GIGYF2: variants seen among roughly 807,000 people sequenced by gnomAD.
GIGYF2 encodes the protein GRB10-interacting GYF protein 2.
In GIGYF2, 25 loss-of-function variants were observed where a neutral mutation model predicts 208.1. The ratio of observed to expected loss-of-function variants is 0.12; its 90% CI spans 0.09 to 0.17. The LOEUF (loss-of-function observed/expected upper bound fraction) is 0.17. GIGYF2 is among the 10% of genes least tolerant of loss of function. The probability of loss-of-function intolerance (pLI) is 1.00; values close to 1 mark genes in which losing one functional copy is unlikely to be tolerated. For synonymous variants in GIGYF2, 534 were observed against 543.8 expected, an observed-to-expected ratio of 0.98 and a Z score of 0.25; for missense variants, 1,302 against 1,579.4, an observed-to-expected ratio of 0.82 and a Z score of 2.98.
chr2:232,836,263 CATATATATATATATATATAT>C (rs1156576756), intron 22 of GIGYF2, among the ~76,000 whole-genome samples: 6 of 38,624 alleles, frequency 1.6e-4, no homozygotes, highest in South Asian at 2.3e-3. Flanking sequence ...CCCATCTCTA[CATATATATATATATATATAT>C]ATATATATAT....
chr2:232,774,068 G>T (rs1222521914), intron 8 of GIGYF2, among the ~76,000 whole-genome samples: 2 of 151,820 alleles, frequency 1.3e-5, no homozygotes, highest in Admixed American at 6.6e-5. Context: ...GATTGCTTGA[G>T]GTCGGGAATT....
At chr2:232,726,859 C>T (rs1697224908) in intron 2 of GIGYF2, among the ~76,000 whole-genome samples, 1 of 152,116 alleles carries the variant, frequency 6.6e-6, no homozygotes, top group African/African-American at 2.4e-5. Context: ...ACAAGTCTGT[C>T]TAGTAGAGAT....
Position 232,791,434 on chromosome 2 carries a change from A to G in GIGYF2, c.1270A>G (p.Ser424Gly), listed in dbSNP as rs759400935. The change falls in exon 12 of 29, where the codon AGC becomes GGC. Residue 424 changes from serine to glycine, a missense_variant. Physicochemically the swap from Ser to Gly is moderately conservative, Grantham distance 56. Coordinates refer to ENST00000373563, the MANE Select transcript of GIGYF2 (RefSeq NM_001103146.3). ...AAATAGTCTACCAGCCAAAGTGCCC[A>G]GCAGAGGGGATGGTATGTATTTGTG... ...MENSLPAKVP[S>G]RGDEMVADVQ... The G allele has an allele frequency of 6.2e-7, 1 of 1,613,618 alleles. No individual in the cohort carries two copies. The highest frequency in any genetic ancestry group is 8.5e-7 in the Non-Finnish European group (1 of 1,179,694).
intron 8 of GIGYF2, chr2:232,766,553 A>G (rs1698970275): frequency 1.3e-5 from 2 of 152,488 alleles, no homozygotes; most frequent in African/African-American, 2.4e-5. Context: ...TTTATGTGTT[A>G]CAATAGTCTT....
chr2:232,795,269 A>AT (rs1350811925), intron 13 of GIGYF2, among the ~76,000 whole-genome samples: 1 of 152,208 alleles, frequency 6.6e-6, no homozygotes, highest in East Asian at 1.9e-4. Flanking sequence ...TATCTTTTGT[A>AT]TTTTTTGCTT....
intron 2 of GIGYF2, among the ~76,000 whole-genome samples, chr2:232,726,607 G>T (rs1336987525): frequency 6.6e-6 from 1 of 151,972 alleles, no homozygotes; most frequent in Non-Finnish European, 1.5e-5. Flanking sequence ...ATAAATAAGA[G>T]AGTTTTTTGT....
chr2:232,846,457 G>C (rs1448200217), intron 26 of GIGYF2, among the ~76,000 whole-genome samples: 1 of 152,206 alleles, frequency 6.6e-6, no homozygotes, highest in African/African-American at 2.4e-5. Flanking sequence ...TTTGAAGAGA[G>C]ACTGGTCAAC....
chr2:232,791,207 C>T (rs1176414193), intron 11 of GIGYF2, 37 bp downstream of exon 11: 2 of 1,613,682 alleles, frequency 1.2e-6, no homozygotes, highest in East Asian at 2.2e-5. Context: ...TTTTTTTCCT[C>T]CATCAAACCA....
At chr2:232,720,583 A>ATATATTT (rs376956632) in intron 2 of GIGYF2, among the ~76,000 whole-genome samples, 48 of 144,978 alleles carry the variant, frequency 3.3e-4, no homozygotes, top group South Asian at 7.1e-4. Flanking sequence ...ATATATATAT[A>ATATATTT]TTTTTGTTTG....
At chr2:232,784,665 C>T (rs1310683377) in intron 8 of GIGYF2, among the ~76,000 whole-genome samples, 1 of 152,056 alleles carries the variant, frequency 6.6e-6, no homozygotes, top group Non-Finnish European at 1.5e-5. Context: ...GTGTGAGCCA[C>T]CGCGCCTGGC....
chr2:232,821,319 C>T (rs1179651367), intron 21 of GIGYF2, among the ~76,000 whole-genome samples: 1 of 152,212 alleles, frequency 6.6e-6, no homozygotes, highest in East Asian at 1.9e-4. Flanking sequence ...TCTGCCTCAG[C>T]CTCCCGAGTA....
rs551743360 is a variant in GIGYF2, at chr2:232,801,743, G to A, written c.1640-4748G>A. Among the ~76,000 whole-genome samples, 75 of 152,242 alleles carry A rather than the reference G, an allele frequency of 4.9e-4. 1 individual carries two copies. The highest frequency in any genetic ancestry group is 1.7e-3 in the African/African-American group (69 of 41,546). On this transcript the variant is annotated intron_variant, in intron 14 of 28. Coordinates refer to ENST00000373563, the MANE Select transcript of GIGYF2 (RefSeq NM_001103146.3). ...TGCTATTTTTCAAGAAAGAAACATT[G>A]TTTTGGCCATTTGCTGTCTTTTGAG...
In GIGYF2 at chr2:232,791,094, T is replaced by C; in HGVS notation, c.1017T>C (p.Gly339=). The C allele has an allele frequency of 6.2e-7, 1 of 1,613,882 alleles. No individual in the cohort carries two copies. The highest frequency in any genetic ancestry group is 8.5e-7 in the Non-Finnish European group (1 of 1,179,898). Residue 339 remains glycine, a synonymous_variant, in exon 11 of 29, where the codon GGT becomes GGC. Transcript: ENST00000373563. ...DEGEECSDSE[G]SHNEEAKEPD... is the part of the protein sequence containing the mutation. ...GGGAGGAGTGCTCTGACTCTGAGGG[T>C]AGCCATAATGAAGAGGCCAAAGAAC...
intron 14 of GIGYF2, among the ~76,000 whole-genome samples, chr2:232,803,337 T>C (rs1322202310): frequency 6.6e-6 from 1 of 152,222 alleles, no homozygotes; most frequent in Non-Finnish European, 1.5e-5. Flanking sequence ...TTTTGATTAA[T>C]CCAATAGATA....
intron 8 of GIGYF2, among the ~76,000 whole-genome samples, chr2:232,773,423 G>A (rs1029148142): frequency 2.6e-5 from 4 of 152,070 alleles, no homozygotes; most frequent in African/African-American, 7.2e-5. Flanking sequence ...AGGAGCTTTG[G>A]ATTATTTGGA....
At chr2:232,720,479 T>G (rs2106271280) in intron 2 of GIGYF2, among the ~76,000 whole-genome samples, 1 of 152,176 alleles carries the variant, frequency 6.6e-6, no homozygotes, top group South Asian at 2.1e-4. Flanking sequence ...CTGGGTCAAA[T>G]AGTATTTCTA....
chr2:232,700,330 G>T (rs1333598340), intron 1 of GIGYF2, among the ~76,000 whole-genome samples: 1 of 152,116 alleles, frequency 6.6e-6, no homozygotes, highest in Non-Finnish European at 1.5e-5. Context: ...TTGTTTTCAT[G>T]ACTCTGCATT....
intron 6 of GIGYF2, among the ~76,000 whole-genome samples, chr2:232,756,808 T>G (rs953530580): frequency 6.6e-6 from 1 of 152,212 alleles, no homozygotes; most frequent in Non-Finnish European, 1.5e-5. Context: ...AAAAGATAAT[T>G]CTGCCACATT....
intron 8 of GIGYF2, among the ~76,000 whole-genome samples, chr2:232,765,050 A>G (rs2106330213): frequency 6.6e-6 from 1 of 152,308 alleles, no homozygotes; most frequent in African/African-American, 2.4e-5. Context: ...TATAACTGCT[A>G]GTATACTAAA....
Sources: allele counts gnomAD v4.1 joint callset (sites outside exome capture counted in the v4.1 genomes callset), GRCh38; gene constraint gnomAD v4.1.1; transcripts MANE v1.5; gene names NCBI Gene and HGNC (gene_info 2026-07-23, HGNC 2026-07-21).